Variants in GRIN3A observed in about 807,000 individuals in gnomAD.
GRIN3A encodes glutamate receptor ionotropic, NMDA 3A.
In GRIN3A, 47 loss-of-function variants were observed where a neutral mutation model predicts 92.4. The ratio of observed to expected loss-of-function variants is 0.51; its 90% CI spans 0.40 to 0.65. The LOEUF is 0.65. GRIN3A is among the 30% of genes least tolerant of loss of function. GRIN3A has a pLI of 0.00. For synonymous variants in GRIN3A, 527 were observed against 540.6 expected, an observed-to-expected ratio of 0.97 and a Z score of 0.35; for missense variants, 1,324 against 1,393.1, an observed-to-expected ratio of 0.95 and a Z score of 0.79.
At chr9:101,703,899 A>C (rs940846373) in intron 1 of GRIN3A, among the ~76,000 whole-genome samples, 2 of 152,126 alleles carry the variant, frequency 1.3e-5, no homozygotes, top group Non-Finnish European at 2.9e-5. Context: ...TGCCTCCACT[A>C]CTGTCTCTTC....
intron 3 of GRIN3A, among the ~76,000 whole-genome samples, chr9:101,658,179 A>G (rs938247182): frequency 1.3e-5 from 2 of 151,996 alleles, no homozygotes; most frequent in South Asian, 2.1e-4. Flanking sequence ...CAAGTCATCT[A>G]CCTTCTTTTA....
At chr9:101,723,535 A>G (rs1455715574) in intron 1 of GRIN3A, among the ~76,000 whole-genome samples, 1 of 152,132 alleles carries the variant, frequency 6.6e-6, no homozygotes, top group African/African-American at 2.4e-5. Flanking sequence ...GACCCGAGCC[A>G]GTTGCCACTG....
chr9:101,601,291 A>G (rs1169798409), intron 6 of GRIN3A, among the ~76,000 whole-genome samples: 1 of 152,208 alleles, frequency 6.6e-6, no homozygotes, highest in African/African-American at 2.4e-5. Flanking sequence ...TTTAGTCTCT[A>G]CCCAGTAGGG....
At chr9:101,602,494 C>G (rs1291461802) in intron 6 of GRIN3A, among the ~76,000 whole-genome samples, 1 of 152,094 alleles carries the variant, frequency 6.6e-6, no homozygotes, top group Non-Finnish European at 1.5e-5. Context: ...GCATGGAAGT[C>G]TAAAAAAATG....
Position 101,709,134 on chromosome 9 carries a change from A to G in GRIN3A, c.700-21934T>C, listed in dbSNP as rs147323489. 3.9e-3 allele frequency among the ~76,000 whole-genome samples: 587 copies of G among 152,014 alleles called. 2 individuals are homozygous for G. The highest frequency in any genetic ancestry group is 6.3e-3 in the Non-Finnish European group (431 of 67,978). ...TTCTCTTTTGAAATTGAATTTTTCT[A>G]GGAAGATGAGATGCTTACCCATTTC... On this transcript the variant is annotated intron_variant, in intron 1 of 8. Transcript: ENST00000361820.
At chr9:101,675,812 G>A (rs555085615) in intron 2 of GRIN3A, among the ~76,000 whole-genome samples, 13 of 152,000 alleles carry the variant, frequency 8.6e-5, no homozygotes, top group African/African-American at 2.2e-4. Flanking sequence ...ATCAAAATGG[G>A]TGTACATTCT....
chr9:101,682,702 G>A (rs1178707806), intron 2 of GRIN3A, among the ~76,000 whole-genome samples: 4 of 152,248 alleles, frequency 2.6e-5, no homozygotes, highest in Non-Finnish European at 5.9e-5. Flanking sequence ...ACAACTTGTA[G>A]CTGGGCGTGG....
chr9:101,598,183 T>G (rs1828164427), intron 6 of GRIN3A, among the ~76,000 whole-genome samples: 1 of 152,226 alleles, frequency 6.6e-6, no homozygotes, highest in Non-Finnish European at 1.5e-5. Flanking sequence ...TGTTACCGTT[T>G]CAACATGTAA....
chr9:101,687,999 G>T (rs1430935362), intron 1 of GRIN3A, among the ~76,000 whole-genome samples: 1 of 152,168 alleles, frequency 6.6e-6, no homozygotes, highest in Admixed American at 6.5e-5. Context: ...GAATACATTT[G>T]TTAATTGTTG....
intron 6 of GRIN3A, among the ~76,000 whole-genome samples, chr9:101,584,861 A>G (rs1440830921): frequency 6.6e-6 from 1 of 152,218 alleles, no homozygotes; most frequent in East Asian, 1.9e-4. Flanking sequence ...TGGCTCGAGT[A>G]GTGACTAGTT....
intron 1 of GRIN3A, among the ~76,000 whole-genome samples, chr9:101,701,760 A>G (rs934196575): frequency 1.3e-5 from 2 of 152,148 alleles, no homozygotes; most frequent in African/African-American, 2.4e-5. Flanking sequence ...GAGTAAACAG[A>G]CAACATACAG....
At chr9:101,691,743 T>C (rs2485522) in intron 1 of GRIN3A, among the ~76,000 whole-genome samples, 64,869 of 151,940 alleles carry the variant, frequency 0.43, 14,063 homozygotes, top group South Asian at 0.47. Flanking sequence ...TCCTTGCTGG[T>C]GGGGCCACTG....
At chr9:101,667,269 T>C (rs572139730) in intron 3 of GRIN3A, among the ~76,000 whole-genome samples, 60 of 152,084 alleles carry the variant, frequency 3.9e-4, no homozygotes, top group African/African-American at 1.3e-3. Flanking sequence ...GTATACTTTA[T>C]AGGTAATATA....
At chr9:101,676,407 A>T (rs1304677523) in intron 2 of GRIN3A, among the ~76,000 whole-genome samples, 3 of 151,874 alleles carry the variant, frequency 2.0e-5, no homozygotes, top group South Asian at 2.1e-4. Context: ...CCCCCTGGGA[A>T]CTGTCTTTGT....
chr9:101,639,185 G>A (rs575569145), intron 3 of GRIN3A, among the ~76,000 whole-genome samples: 5 of 152,192 alleles, frequency 3.3e-5, no homozygotes, highest in Admixed American at 6.5e-5. Context: ...TACCAGGTAC[G>A]ATACTGTCTT....
At chr9:101,691,043 C>T (rs527994289) in intron 1 of GRIN3A, among the ~76,000 whole-genome samples, 7 of 151,848 alleles carry the variant, frequency 4.6e-5, no homozygotes, top group African/African-American at 1.4e-4. Context: ...CACAGCACAC[C>T]GTATTTTTAG....
chr9:101,598,357 A>C (rs1341070789), intron 6 of GRIN3A, among the ~76,000 whole-genome samples: 2 of 152,174 alleles, frequency 1.3e-5, no homozygotes, highest in Admixed American at 1.3e-4. Flanking sequence ...AAAAGGAAAG[A>C]TATGGAGGCT....
At chr9:101,698,031 A>G (rs139224724) in intron 1 of GRIN3A, among the ~76,000 whole-genome samples, 2,023 of 152,284 alleles carry the variant, frequency 0.013, 62 homozygotes, top group Admixed American at 0.061. Flanking sequence ...GGAATAAAGA[A>G]CACACTGATT....
At chr9:101,706,402 T>C (rs923528778) in intron 1 of GRIN3A, among the ~76,000 whole-genome samples, 1 of 152,224 alleles carries the variant, frequency 6.6e-6, no homozygotes, top group Non-Finnish European at 1.5e-5. Flanking sequence ...AGGAGGAACA[T>C]GAATTTCTGA....
Sources: gnomAD v4.1 joint callset for allele counts (sites outside exome capture counted in the v4.1 genomes callset) on GRCh38, gnomAD v4.1.1 for gene constraint, MANE v1.5 for transcripts, NCBI Gene and HGNC (gene_info 2026-07-23, HGNC 2026-07-21) for gene names.